IGSF3: variants seen among roughly 807,000 people sequenced by gnomAD.
IGSF3 encodes the protein glu-Trp-Ile EWI motif-containing protein 3.
Under a neutral mutation model 114.4 loss-of-function variants are expected in IGSF3, and 23 were observed. That is an observed-to-expected ratio of 0.20 (90% confidence interval 0.14 to 0.28). IGSF3 has a LOEUF of 0.28. Among genes scored for constraint, IGSF3 ranks in the 10% least tolerant of loss-of-function variants. IGSF3 has a pLI of 1.00. For missense variants in IGSF3, 1,172 were observed against 1,591.5 expected (o/e 0.74, Z 4.48); for synonymous variants, 571 against 645.2 (o/e 0.88, Z 1.74).
rs1425938729 is a variant in IGSF3 at position 116,642,922 on chromosome 1, TC to T, written c.43+23361del. The stretch of plus-strand genomic sequence containing the variant: ...TGAAAATATTTCACCACCTGGAACC[TC>T]CCTGTCCCACCCATCTTCACTTGCA... On this transcript the variant is annotated intron_variant, in intron 2 of 10. Transcript: ENST00000369486. The surrounding 1 kb of genome is among the most constrained non-coding windows in gnomAD (Gnocchi z 5.4). 6.6e-6 allele frequency among the ~76,000 whole-genome samples: 1 copy of T among 152,160 alleles called. No individual in the cohort carries two copies. The highest frequency in any genetic ancestry group is 1.5e-5 in the Non-Finnish European group (1 of 68,016).
rs1202541033 is a variant in IGSF3, at chr1:116,633,529, A to G, written c.44-17072T>C. ...TATTGAAAGCCCCTGCATTTCCCTA[A>G]CTATATATTCCCCTATGCCATGGAA... On this transcript the variant is annotated intron_variant, in intron 2 of 10. Coordinates refer to ENST00000369486, the MANE Select transcript of IGSF3 (RefSeq NM_001007237.3). This position sits in a 1 kb window ranked among gnomAD's most constrained non-coding sequence, Gnocchi z 4.3. Among the ~76,000 whole-genome samples, 3 of 152,176 alleles carry G rather than the reference A, an allele frequency of 2.0e-5. No individual in the cohort carries two copies. In the East Asian group the frequency reaches 5.8e-4, roughly 29 times the overall value.
chr1:116,589,017 T>G lies in IGSF3; in HGVS notation c.2117A>C (p.Gln706Pro). Residue 706 changes from glutamine to proline, a missense_variant, in exon 8 of 11, where the codon CAG becomes CCG. Gln to Pro is a moderately conservative substitution (Grantham distance 76). Around this residue, in one of 3 missense-constraint regions of IGSF3, gnomAD observed 736 missense variants for 1,042.0 expected, o/e 0.71. Transcript: ENST00000369486. This position sits in a 1 kb window ranked among gnomAD's most constrained non-coding sequence, Gnocchi z 5.7. ...PIQLNCSVKS[Q>P]TSQNSHFAVL... ...CGCAAAGTGGGAGTTCTGGCTAGTC[T>G]GAGACTTGACTGAGCAGTTCAACTG... 1 of 1,614,236 alleles carries G rather than the reference T, an allele frequency of 6.2e-7. No individual in the cohort carries two copies. The highest frequency in any genetic ancestry group is 8.5e-7 in the Non-Finnish European group (1 of 1,180,034).
intron 5 of IGSF3, chr1:116,606,545 T>C (rs1571148900): frequency 2.1e-6 from 2 of 930,448 alleles, no homozygotes; most frequent in East Asian, 4.8e-5. Flanking sequence ...AACTACCCAG[T>C]TATCTGCTGG....
At chr1:116,653,291 A>AC (rs1648708417) in intron 2 of IGSF3, among the ~76,000 whole-genome samples, 2 of 152,262 alleles carry the variant, frequency 1.3e-5, no homozygotes, top group Non-Finnish European at 2.9e-5. Context: ...AACAAGAGTC[A>AC]GATTACTGAT....
chr1:116,639,426 G>A (rs1647981848), intron 2 of IGSF3, among the ~76,000 whole-genome samples: 1 of 152,032 alleles, frequency 6.6e-6, no homozygotes, highest in African/African-American at 2.4e-5. Context: ...TTCCTTTCAG[G>A]CCTGTCCTCC....
chr1:116,576,213 T>C lies in IGSF3; in HGVS notation c.*1099A>G. 1 of 152,796 alleles carries C rather than the reference T, an allele frequency of 6.5e-6. No individual in the cohort carries two copies. The allele number at this position is 152,796 out of a possible 1,614,324, so 9.5% of individuals were successfully genotyped here. On this transcript the variant is annotated 3_prime_UTR_variant, in exon 11 of 11. Coordinates refer to ENST00000369486, the MANE Select transcript of IGSF3 (RefSeq NM_001007237.3). This position sits in a 1 kb window ranked among gnomAD's most constrained non-coding sequence, Gnocchi z 4.6. ...CCACCCCTCACTGTCCCACCAAACT[T>C]AGTGTCAGCCAGCCCCGTGCCCTCC...
intron 2 of IGSF3, 28 bp downstream of exon 2, chr1:116,666,256 G>A: frequency 6.2e-7 from 1 of 1,606,886 alleles, no homozygotes; most frequent in Non-Finnish European, 8.5e-7. Flanking sequence ...CTTTCACATC[G>A]ATTGCACTGA....
At position 116,634,939 on chromosome 1, in the gene IGSF3, A is replaced by G. The variant is rs1165491054; in HGVS notation, c.44-18482T>C. ...CCCACAGGAGAGACAAGGTGAAGAG[A>G]ATGAGATGCCAGTCTCCACTGCTCC... On this transcript the variant is annotated intron_variant, in intron 2 of 10. Transcript: ENST00000369486. This position sits in a 1 kb window ranked among gnomAD's most constrained non-coding sequence, Gnocchi z 4.2. Among the ~76,000 whole-genome samples, 1 of 152,174 alleles carries G rather than the reference A, an allele frequency of 6.6e-6. No individual in the cohort carries two copies. Among genetic ancestry groups the G allele is most frequent in the Non-Finnish European group, 1.5e-5 (1 of 68,032 alleles).
Position 116,644,903 on chromosome 1 carries a change from C to T in IGSF3, c.43+21381G>A, listed in dbSNP as rs1648292769. Among the ~76,000 whole-genome samples, 1 of 152,162 alleles carries T rather than the reference C, an allele frequency of 6.6e-6. No homozygotes were observed. The highest frequency in any genetic ancestry group is 1.5e-5 in the Non-Finnish European group (1 of 68,036). ...AGATTAGGCATCAAAAGTACCCGGT[C>T]CCCTTCATACATGGCTGGTGGGGAG... On this transcript the variant is annotated intron_variant, in intron 2 of 10. Coordinates refer to ENST00000369486, the MANE Select transcript of IGSF3 (RefSeq NM_001007237.3). This position sits in a 1 kb window ranked among gnomAD's most constrained non-coding sequence, Gnocchi z 5.6.
chr1:116,637,965 C>T (rs1198286324), intron 2 of IGSF3, among the ~76,000 whole-genome samples: 1 of 152,196 alleles, frequency 6.6e-6, no homozygotes, highest in East Asian at 1.9e-4. Flanking sequence ...TGTTTTCCTG[C>T]TTAGGGATGG....
rs1488186593 is a variant in IGSF3 at position 116,615,179 on chromosome 1, CAGA to C, written c.421+898_421+900del. ...ATCCCAGCTACTCGGGAGGCTGAGG[CAGA>C]AGAATTGCTTGAACCCGGGAGGTGG... is the stretch of plus-strand genomic sequence containing the variant. On this transcript the variant is annotated intron_variant, in intron 3 of 10. Coordinates refer to ENST00000369486, the MANE Select transcript of IGSF3 (RefSeq NM_001007237.3). The surrounding 1 kb of genome is among the most constrained non-coding windows in gnomAD (Gnocchi z 4.3). 6.6e-6 allele frequency among the ~76,000 whole-genome samples: 1 copy of C among 152,018 alleles called. No individual in the cohort carries two copies. The highest frequency in any genetic ancestry group is 1.5e-5 in the Non-Finnish European group (1 of 68,016).
rs1553216854 is a variant in IGSF3, at chr1:116,624,045, T to TCTCAGCTGGGCAACAGAG, written c.44-7589_44-7588insCTCTGTTGCCCAGCTGAG. Reference sequence around the variant, plus strand: ...GAGGTTGCAGTGAGCCGAGATCATGTCATTGCACTGTGGGCTGGGCAACAG... The same window carrying TCTCAGCTGGGCAACAGAG: ...GAGGTTGCAGTGAGCCGAGATCATGTCTCAGCTGGGCAACAGAGCATTGCACTGTGGGCTGGGCAACAG... On this transcript the variant is annotated intron_variant, in intron 2 of 10. Transcript: ENST00000369486. The surrounding 1 kb of genome is among the most constrained non-coding windows in gnomAD (Gnocchi z 4.9). Among the ~76,000 whole-genome samples the TCTCAGCTGGGCAACAGAG allele has an allele frequency of 4.6e-5, 7 of 150,556 alleles. No individual in the cohort carries two copies. Among genetic ancestry groups the TCTCAGCTGGGCAACAGAG allele is most frequent in the African/African-American group, 1.7e-4 (7 of 40,554 alleles).
In IGSF3 at chr1:116,589,991, G is replaced by A. The variant is rs1660030228; in HGVS notation, c.2030-887C>T. 2.6e-5 allele frequency among the ~76,000 whole-genome samples: 4 copies of A among 152,280 alleles called. No homozygotes were observed. The South Asian group carries it at 6.2e-4, about 24-fold the overall frequency. ...ATTTGATCAGTGTTTGCTGAAATAGGTGAACGAGTGGGTGAGCGAATGAGA... is the reference window on the plus strand; with the variant it reads ...ATTTGATCAGTGTTTGCTGAAATAGATGAACGAGTGGGTGAGCGAATGAGA... On this transcript the variant is annotated intron_variant, in intron 7 of 10. Transcript: ENST00000369486. The surrounding 1 kb of genome is among the most constrained non-coding windows in gnomAD (Gnocchi z 5.7).
chr1:116,623,902 A>G (rs1200197717), intron 2 of IGSF3, among the ~76,000 whole-genome samples: 2 of 151,060 alleles, frequency 1.3e-5, no homozygotes, highest in Non-Finnish European at 2.9e-5. Context: ...CCTGGCCAAT[A>G]TGGTGAAACC....
intron 2 of IGSF3, among the ~76,000 whole-genome samples, chr1:116,659,025 G>A (rs1832956): frequency 3.9e-5 from 6 of 152,176 alleles, no homozygotes; most frequent in African/African-American, 9.7e-5. Context: ...TTCAACTCTC[G>A]TTATTAGAAA....
At chr1:116,601,563 T>A (rs554271859) in intron 6 of IGSF3, among the ~76,000 whole-genome samples, 34 of 152,202 alleles carry the variant, frequency 2.2e-4, no homozygotes, top group Non-Finnish European at 3.7e-4. Flanking sequence ...TTGTTAAAAA[T>A]AAAATAGAAA....
In IGSF3 at chr1:116,632,804, G is replaced by A. The variant is rs1292770263; in HGVS notation, c.44-16347C>T. The stretch of plus-strand genomic sequence containing the variant: ...CTCCAGAAAAATAAAAGGCTGCAGC[G>A]AGAAACAAGTGGGGCCACAGAGAGA... On this transcript the variant is annotated intron_variant, in intron 2 of 10. Transcript: ENST00000369486. The surrounding 1 kb of genome is among the most constrained non-coding windows in gnomAD (Gnocchi z 5.1). Among the ~76,000 whole-genome samples, 1 of 152,180 alleles carries A rather than the reference G, an allele frequency of 6.6e-6. No homozygotes were observed. The highest frequency in any genetic ancestry group is 6.5e-5 in the Admixed American group (1 of 15,278).
chr1:116,623,469 TGAGGTTA>T (rs975235562), intron 2 of IGSF3, among the ~76,000 whole-genome samples: 7 of 151,520 alleles, frequency 4.6e-5, no homozygotes, highest in African/African-American at 1.7e-4. Context: ...ATGGATCACT[TGAGGTTA>T]GGGGTTCGAG....
At position 116,603,704 on chromosome 1, in the gene IGSF3, T is replaced by A; in HGVS notation, c.1544A>T (p.Glu515Val). 2 of 1,613,856 alleles carry A rather than the reference T, an allele frequency of 1.2e-6. No individual in the cohort carries two copies. The highest frequency in any genetic ancestry group is 2.2e-5 in the South Asian group (2 of 91,062). The change falls in exon 6 of 11, where the codon GAA becomes GTA. Residue 515 changes from glutamate (E) to valine (V), a missense_variant. Around this residue, in one of 3 missense-constraint regions of IGSF3, gnomAD observed 736 missense variants for 1,042.0 expected, o/e 0.71. Coordinates refer to ENST00000369486, the MANE Select transcript of IGSF3 (RefSeq NM_001007237.3). The surrounding 1 kb of genome is among the most constrained non-coding windows in gnomAD (Gnocchi z 7.1). ...CTCGCCATCCACTGCCCGCACCCAT[T>A]CAGTCACATGGCATTCATACTGGCC... ...DEGQYECHVT[E>V]WVRAVDGEWQ...
Sources: allele counts gnomAD v4.1 joint callset (sites outside exome capture counted in the v4.1 genomes callset), GRCh38; gene constraint gnomAD v4.1.1; regional missense constraint gnomAD v4.1.1; non-coding constraint Gnocchi (gnomAD v3.1); transcripts MANE v1.5; gene names NCBI Gene and HGNC (gene_info 2026-07-23, HGNC 2026-07-21).